GNG7: variants seen among roughly 807,000 people sequenced by gnomAD.
The protein encoded by GNG7 is G protein subunit gamma 7.
In GNG7, 1 loss-of-function variant was observed where a neutral mutation model predicts 4.0. That is an observed-to-expected ratio of 0.25 (90% CI 0.09 to 1.18). The LOEUF is 1.18. GNG7 is among the 50% of genes most tolerant of loss of function. The pLI, the probability that GNG7 is intolerant of heterozygous loss-of-function variation, is 0.50. For synonymous variants in GNG7, 34 were observed against 36.9 expected, an observed-to-expected ratio of 0.92 and a Z score of 0.29; for missense variants, 86 against 91.9, an observed-to-expected ratio of 0.94 and a Z score of 0.26.
intron 1 of GNG7, among the ~76,000 whole-genome samples, chr19:2,654,722 G>A (rs1375884869): frequency 1.9e-5 from 2 of 105,808 alleles, no homozygotes; most frequent in Non-Finnish European, 4.3e-5. Flanking sequence ...TCTGGTGTCT[G>A]TTGTGAGCAG....
chr19:2,613,904 A>G (rs1796642949), intron 2 of GNG7, among the ~76,000 whole-genome samples: 1 of 152,238 alleles, frequency 6.6e-6, no homozygotes, highest in Non-Finnish European at 1.5e-5. Flanking sequence ...CTCGGACTGC[A>G]GCAGTGTGTG....
At chr19:2,655,448 C>T (rs771035571) in intron 1 of GNG7, among the ~76,000 whole-genome samples, 1 of 152,002 alleles carries the variant, frequency 6.6e-6, no homozygotes, top group African/African-American at 2.4e-5. Flanking sequence ...TGCGGTGGCT[C>T]ATATCTGTCA....
intron 2 of GNG7, among the ~76,000 whole-genome samples, chr19:2,566,430 A>T (rs1568245842): frequency 6.6e-6 from 1 of 152,070 alleles, no homozygotes; most frequent in Non-Finnish European, 1.5e-5. Context: ...GCGGAGAGAG[A>T]ATGAACCCGT....
intron 2 of GNG7, among the ~76,000 whole-genome samples, chr19:2,585,437 A>C (rs1179502743): frequency 6.6e-6 from 1 of 152,046 alleles, no homozygotes; most frequent in Non-Finnish European, 1.5e-5. Context: ...GTGAGAGAAT[A>C]ATAAAAGAAA....
At chr19:2,577,493 C>T (rs1366779043) in intron 2 of GNG7, among the ~76,000 whole-genome samples, 4 of 152,092 alleles carry the variant, frequency 2.6e-5, no homozygotes, top group Non-Finnish European at 5.9e-5. Context: ...CCGCTCACTT[C>T]TTCACACCAG....
At chr19:2,665,459 T>G (rs1983286407) in intron 1 of GNG7, among the ~76,000 whole-genome samples, 1 of 151,892 alleles carries the variant, frequency 6.6e-6, no homozygotes, top group Admixed American at 6.6e-5. Flanking sequence ...CAACAAGGAT[T>G]TGGGAAGAGG....
chr19:2,669,453 G>A (rs1490404390), intron 1 of GNG7, among the ~76,000 whole-genome samples: 3 of 152,114 alleles, frequency 2.0e-5, no homozygotes, highest in African/African-American at 7.2e-5. Context: ...TCGTGCCACT[G>A]CACTCCAGCC....
chr19:2,692,601 C>G (rs1054779962), intron 1 of GNG7, among the ~76,000 whole-genome samples: 18 of 150,202 alleles, frequency 1.2e-4, no homozygotes, highest in African/African-American at 4.4e-4. Flanking sequence ...CGCCACTGCA[C>G]TCCAGCCTGG....
chr19:2,685,827 G>A (rs955427951), intron 1 of GNG7, among the ~76,000 whole-genome samples: 4 of 152,222 alleles, frequency 2.6e-5, no homozygotes, highest in Admixed American at 6.5e-5. Flanking sequence ...AACACCCAGC[G>A]ACACCCTGCC....
intron 2 of GNG7, among the ~76,000 whole-genome samples, chr19:2,612,065 G>A (rs895238250): frequency 4.6e-5 from 7 of 151,942 alleles, no homozygotes; most frequent in South Asian, 4.2e-4. Flanking sequence ...AGTAGAGACC[G>A]GGTTTCACCA....
rs907413588 is a variant in GNG7, at chr19:2,557,380, C to T, written c.-77-2192G>A. On this transcript the variant is annotated intron_variant, in intron 2 of 4. Transcript: ENST00000382159. This position sits in a 1 kb window ranked among gnomAD's most constrained non-coding sequence, Gnocchi z 5.1. ...AGACACACACACACGTGCACGCACACATGCACGCAGGAGCGAGCGCCTCCA... is the reference window on the plus strand; with the variant it reads ...AGACACACACACACGTGCACGCACATATGCACGCAGGAGCGAGCGCCTCCA... Among the ~76,000 whole-genome samples the T allele has an allele frequency of 2.0e-5, 3 of 152,158 alleles. No individual in the cohort carries two copies. The highest frequency in any genetic ancestry group is 7.2e-5 in the African/African-American group (3 of 41,436).
chr19:2,689,402 C>T (rs1273737149), intron 1 of GNG7, among the ~76,000 whole-genome samples: 1 of 151,722 alleles, frequency 6.6e-6, no homozygotes, highest in Non-Finnish European at 1.5e-5. Flanking sequence ...GCGGGTGGAT[C>T]ACCTGAGGTC....
Position 2,512,070 on chromosome 19 carries a change from C to G in GNG7, c.*2952G>C. On this transcript the variant is annotated 3_prime_UTR_variant, in exon 5 of 5. Transcript: ENST00000382159. The surrounding 1 kb of genome is among the most constrained non-coding windows in gnomAD (Gnocchi z 4.7). Reference sequence around the variant, plus strand: ...AAACGGCCTTCTCTCTCCCACCCGACGCTGCCTTGTGTGTGTGCGTGGGTG... The same window carrying G: ...AAACGGCCTTCTCTCTCCCACCCGAGGCTGCCTTGTGTGTGTGCGTGGGTG... 1.0e-6 allele frequency: 1 copy of G among 985,916 alleles called. No individual in the cohort carries two copies. The highest frequency in any genetic ancestry group is 1.2e-6 in the Non-Finnish European group (1 of 829,960). The allele number at this position is 985,916 out of a possible 1,614,324, so 61.1% of individuals were successfully genotyped here. A position where few individuals can be genotyped will look rare whatever the true frequency, so the allele number is the denominator to read the frequency against.
rs577637852 is a variant in GNG7, at chr19:2,604,977, C to T, written c.-78+41247G>A. Among the ~76,000 whole-genome samples, 3 of 152,178 alleles carry T rather than the reference C, an allele frequency of 2.0e-5. No individual in the cohort carries two copies. In the South Asian group the frequency reaches 6.2e-4, roughly 32 times the overall value. ...AGCCGCTATAACAAGTCACACGGAT[C>T]TGGTGGCTTAAAACAATGGAAATGG... is the stretch of plus-strand genomic sequence containing the variant. On this transcript the variant is annotated intron_variant, in intron 2 of 4. Coordinates refer to ENST00000382159, the MANE Select transcript of GNG7 (RefSeq NM_052847.3).
chr19:2,600,576 A>C (rs536561075), intron 2 of GNG7, among the ~76,000 whole-genome samples: 79 of 149,576 alleles, frequency 5.3e-4, no homozygotes, highest in African/African-American at 1.8e-3. Flanking sequence ...GGTTCAAGTG[A>C]TTCTCCTGCC....
At position 2,557,846 on chromosome 19, in the gene GNG7, C is replaced by CT. The variant is rs1164366887; in HGVS notation, c.-77-2659dup. On this transcript the variant is annotated intron_variant, in intron 2 of 4. Coordinates refer to ENST00000382159, the MANE Select transcript of GNG7 (RefSeq NM_052847.3). The surrounding 1 kb of genome is among the most constrained non-coding windows in gnomAD (Gnocchi z 5.1). ...TCGGTGCATTTCTCTCTCAGGCTTA[C>CT]TTTTTTTCTCTTTGAGACAGAGTCT... Among the ~76,000 whole-genome samples the CT allele has an allele frequency of 1.1e-4, 16 of 152,010 alleles. No individual in the cohort carries two copies. Among genetic ancestry groups the CT allele is most frequent in the East Asian group, 3.9e-4 (2 of 5,186 alleles).
intron 2 of GNG7, among the ~76,000 whole-genome samples, chr19:2,573,208 C>T (rs1280451853): frequency 6.7e-6 from 1 of 149,024 alleles, no homozygotes; most frequent in Non-Finnish European, 1.5e-5. Context: ...TTTTTAGTAG[C>T]GACGGGGTTT....
intron 3 of GNG7, among the ~76,000 whole-genome samples, chr19:2,553,280 C>T (rs1158822482): frequency 1.3e-5 from 2 of 151,096 alleles, no homozygotes; most frequent in African/African-American, 2.4e-5. Context: ...GTAATCTACA[C>T]GAAATGGACA....
chr19:2,624,762 AG>A (rs1013486420), intron 2 of GNG7, among the ~76,000 whole-genome samples: 2 of 151,958 alleles, frequency 1.3e-5, no homozygotes, highest in African/African-American at 4.8e-5. Flanking sequence ...GGAGGGAAGG[AG>A]GGAGGCTTTC....
Sources: gnomAD v4.1 joint callset for allele counts (sites outside exome capture counted in the v4.1 genomes callset) on GRCh38, gnomAD v4.1.1 for gene constraint, Gnocchi (gnomAD v3.1) non-coding constraint, MANE v1.5 for transcripts, NCBI Gene and HGNC (gene_info 2026-07-23, HGNC 2026-07-21) for gene names.